The following AKR1A1 variants were observed in gnomAD, a reference collection of about 807,000 sequenced individuals.
AKR1A1 encodes the protein aldo-keto reductase family 1 member A1, also known as HEL-S-165mP.
In AKR1A1, 26 loss-of-function variants were observed where a neutral mutation model predicts 39.2. The observed-to-expected ratio is 0.66, with a 90% CI of 0.49 to 0.92. The LOEUF (loss-of-function observed/expected upper bound fraction) is 0.92. AKR1A1 is among the 40% of genes least tolerant of loss of function. AKR1A1 has a pLI of 0.00. For missense variants in AKR1A1, 378 were observed against 406.5 expected, an observed-to-expected ratio of 0.93 and a Z score of 0.60; for synonymous variants, 141 against 155.5, an observed-to-expected ratio of 0.91 and a Z score of 0.69.
intron 2 of AKR1A1, among the ~76,000 whole-genome samples, chr1:45,563,395 G>A (rs1001935117): frequency 4.6e-5 from 7 of 151,608 alleles, no homozygotes; most frequent in East Asian, 2.0e-4. Context: ...GCAAGACTCC[G>A]TCTAGGGGGA....
chr1:45,565,970 G>C (rs536409615), intron 2 of AKR1A1, among the ~76,000 whole-genome samples: 2 of 152,182 alleles, frequency 1.3e-5, no homozygotes, highest in East Asian at 3.9e-4. Context: ...AATATTGTTA[G>C]TTTTTGCTAG....
intron 1 of AKR1A1, among the ~76,000 whole-genome samples, chr1:45,559,066 A>G (rs1046883098): frequency 2.0e-5 from 3 of 152,204 alleles, no homozygotes; most frequent in African/African-American, 7.2e-5. Flanking sequence ...TGACTCAGGA[A>G]GAGATTCCTC....
At chr1:45,568,383 G>T in intron 5 of AKR1A1, 102 bp from the exon 6 acceptor site, 1 of 1,347,294 alleles carries the variant, frequency 7.4e-7, no homozygotes, top group East Asian at 2.4e-5. Context: ...GAAGGGGAGT[G>T]GAGGAGTCAG....
At chr1:45,565,122 ATTTT>A (rs11351880) in intron 2 of AKR1A1, among the ~76,000 whole-genome samples, 2 of 53,568 alleles carry the variant, frequency 3.7e-5, no homozygotes, top group South Asian at 7.2e-4. Flanking sequence ...ACACCCAGCC[ATTTT>A]TTTTTTTTTT....
At chr1:45,561,952 C>A in intron 2 of AKR1A1, 74 bp downstream of exon 2, 1 of 1,445,974 alleles carries the variant, frequency 6.9e-7, no homozygotes, top group Non-Finnish European at 9.7e-7. Context: ...CACCCCCATA[C>A]TCCCCTTCCA....
At chr1:45,553,430 AG>A (rs920095966) in intron 1 of AKR1A1, among the ~76,000 whole-genome samples, 6 of 151,630 alleles carry the variant, frequency 4.0e-5, no homozygotes, top group Non-Finnish European at 8.8e-5. Context: ...CAAAAAAAAA[AG>A]AGTGGTGGTG....
Position 45,568,156 on chromosome 1 carries a change from C to A in AKR1A1, c.531C>A (p.Ser177=). 6.2e-7 allele frequency: 1 copy of A among 1,613,408 alleles called. No homozygotes were observed. The highest frequency in any genetic ancestry group is 8.5e-7 in the Non-Finnish European group (1 of 1,179,748). Reference sequence around the variant, plus strand: ...TTGATGACATACTCAGTGTGGCCTCCGTGCGTCCAGCTGTCTTGCAGGTAA... The same window carrying A: ...TTGATGACATACTCAGTGTGGCCTCAGTGCGTCCAGCTGTCTTGCAGGTAA... ...RQIDDILSVA[S]VRPAVLQVEC... Residue 177 remains serine (S), a synonymous_variant, in exon 5 of 9, where the codon TCC becomes TCA. Transcript: ENST00000351829.
intron 6 of AKR1A1, 55 bp from the exon 7 acceptor site, chr1:45,568,872 A>C: frequency 6.3e-7 from 1 of 1,590,358 alleles, no homozygotes; most frequent in Non-Finnish European, 8.6e-7. Context: ...GGGGAACAAA[A>C]TAGTGCTTAT....
chr1:45,557,050 C>T (rs1423301596), intron 1 of AKR1A1, among the ~76,000 whole-genome samples: 4 of 151,196 alleles, frequency 2.6e-5, no homozygotes, highest in South Asian at 2.1e-4. Context: ...ATTAGCTGGG[C>T]GTGGTGGCAC....
chr1:45,564,301 G>A (rs1320500116), intron 2 of AKR1A1, among the ~76,000 whole-genome samples: 1 of 152,166 alleles, frequency 6.6e-6, no homozygotes, highest in Non-Finnish European at 1.5e-5. Flanking sequence ...TGGAACAGCA[G>A]GGGTCAGATG....
chr1:45,569,480 C>T (rs143188148), intron 8 of AKR1A1, among the ~76,000 whole-genome samples: 265 of 152,290 alleles, frequency 1.7e-3, no homozygotes, highest in African/African-American at 5.8e-3. Flanking sequence ...AGTTATTAAA[C>T]TTCTCCAAGC....
At position 45,566,613 on chromosome 1, in the gene AKR1A1, C is replaced by T; in HGVS notation, c.129C>T (p.His43=). 1 of 1,614,264 alleles carries T rather than the reference C, an allele frequency of 6.2e-7. No homozygotes were observed. Among genetic ancestry groups the T allele is most frequent in the Non-Finnish European group, 8.5e-7 (1 of 1,180,056 alleles). ...VKYALSVGYR[H]IDCAAIYGNE... ...ATGCCCTTAGCGTAGGCTACCGCCACATTGATTGTGCTGCTATCTACGGCA... is the reference window on the plus strand; with the variant it reads ...ATGCCCTTAGCGTAGGCTACCGCCATATTGATTGTGCTGCTATCTACGGCA... The change falls in exon 3 of 9, where the codon CAC becomes CAT. Residue 43 remains histidine, a synonymous_variant. Transcript: ENST00000351829.
At position 45,570,013 on chromosome 1, in the gene AKR1A1, C is replaced by G; in HGVS notation, c.*57C>G. 1 of 1,511,320 alleles carries G rather than the reference C, an allele frequency of 6.6e-7. No homozygotes were observed. Among genetic ancestry groups the G allele is most frequent in the Non-Finnish European group, 9.2e-7 (1 of 1,086,608 alleles). The allele number at this position is 1,511,320 out of a possible 1,614,324, so 93.6% of individuals were successfully genotyped here. On this transcript the variant is annotated 3_prime_UTR_variant, in exon 9 of 9. Transcript: ENST00000351829. ...TGCAGCTAATGAGGTCCTGCCACAA[C>G]GGAAAGAGGGAGTTAATAAAGCCAT...
chr1:45,561,615 A>G (rs1303021376), intron 1 of AKR1A1, among the ~76,000 whole-genome samples, 174 bp from the exon 2 acceptor site: 2 of 152,126 alleles, frequency 1.3e-5, no homozygotes, highest in Non-Finnish European at 2.9e-5. Flanking sequence ...TGTTGACCCA[A>G]CTGGTCTTGA....
At chr1:45,560,052 A>G (rs952943851) in intron 1 of AKR1A1, among the ~76,000 whole-genome samples, 2 of 150,860 alleles carry the variant, frequency 1.3e-5, no homozygotes, top group Non-Finnish European at 2.9e-5. Flanking sequence ...CAGTGGCGCA[A>G]TCTTGGCTCA....
rs188867600 is a variant in AKR1A1, at chr1:45,569,912, A to G, written c.934A>G (p.Arg312Gly). 15 of 1,614,128 alleles carry G rather than the reference A, an allele frequency of 9.3e-6. No homozygotes were observed. The Admixed American group carries it at 1.3e-4, about 14-fold the overall frequency. ...MLTVDGKRVP[R>G]DAGHPLYPFN... ...CCAGGTGGATGGGAAGAGAGTCCCA[A>G]GGGATGCAGGGCATCCTCTGTACCC... Residue 312 changes from arginine (R) to glycine (G), a missense_variant, in exon 9 of 9, where the codon AGG (arginine) becomes GGG (glycine). Physicochemically the swap from Arg to Gly is moderately radical, Grantham distance 125. Transcript: ENST00000351829.
At position 45,562,330 on chromosome 1, in the gene AKR1A1, ATTTTTTT is replaced by A. The variant is rs957556536; in HGVS notation, c.84+471_84+477del. 1.2e-3 allele frequency among the ~76,000 whole-genome samples: 154 copies of A among 132,226 alleles called. No homozygotes were observed. In the East Asian group the frequency reaches 0.014, roughly 12 times the overall value. The allele number at this position is 132,226 out of a possible 152,430, so 86.7% of individuals were successfully genotyped here. On this transcript the variant is annotated intron_variant, in intron 2 of 8. Coordinates refer to ENST00000351829, the MANE Select transcript of AKR1A1 (RefSeq NM_153326.3). ...TATTGTATAGACCAAAGGTCAGCAA[ATTTTTTT>A]TTTTTTTTTTTTTTTTTTACTCGAG...
At chr1:45,564,965 G>C (rs1644321081) in intron 2 of AKR1A1, among the ~76,000 whole-genome samples, 1 of 151,430 alleles carries the variant, frequency 6.6e-6, no homozygotes, top group African/African-American at 2.4e-5. Context: ...TGGGACTACA[G>C]GCACCCCCTA....
intron 3 of AKR1A1, 75 bp from the exon 4 acceptor site, chr1:45,566,794 C>G: frequency 6.3e-7 from 1 of 1,594,780 alleles, no homozygotes; most frequent in Non-Finnish European, 8.6e-7. Flanking sequence ...CTTCCAGTTC[C>G]TCTCCCAGAG....
Sources: allele counts gnomAD v4.1 joint callset (sites outside exome capture counted in the v4.1 genomes callset), GRCh38; gene constraint gnomAD v4.1.1; transcripts MANE v1.5; gene names NCBI Gene and HGNC (gene_info 2026-07-23, HGNC 2026-07-21).